The following NLGN1 variants were observed in gnomAD, a reference collection of about 807,000 sequenced individuals.
NLGN1 encodes the protein neuroligin-1.
In NLGN1, 12 loss-of-function variants were observed where a neutral mutation model predicts 65.5. That is an observed-to-expected ratio of 0.18 (90% CI 0.12 to 0.30). The LOEUF (loss-of-function observed/expected upper bound fraction) is 0.30. Ranked by LOEUF, NLGN1 falls within the 10% of genes least tolerant of loss-of-function variation. The pLI is 1.00. For synonymous variants in NLGN1, 350 were observed against 359.5 expected, an observed-to-expected ratio of 0.97 and a Z score of 0.30; for missense variants, 750 against 1,007.1, an observed-to-expected ratio of 0.74 and a Z score of 3.46.
At chr3:174,163,396 A>AG (rs1405621906) in intron 4 of NLGN1, among the ~76,000 whole-genome samples, 2 of 151,970 alleles carry the variant, frequency 1.3e-5, no homozygotes, top group African/African-American at 4.8e-5. Flanking sequence ...TACACCTTGA[A>AG]GGATTTTTTT....
chr3:173,539,781 T>TATATGTACATATATAACACAC (rs1738420757), intron 2 of NLGN1, among the ~76,000 whole-genome samples: 2 of 103,440 alleles, frequency 1.9e-5, no homozygotes, highest in Non-Finnish European at 3.8e-5. Flanking sequence ...ATAACACATA[T>TATATGTACATATATAACACAC]ATATGTACAT....
At chr3:174,255,015 A>G (rs1169175548) in intron 4 of NLGN1, among the ~76,000 whole-genome samples, 1 of 152,204 alleles carries the variant, frequency 6.6e-6, no homozygotes, top group Non-Finnish European at 1.5e-5. Flanking sequence ...TTTGCCAGAT[A>G]TAGGGATGGT....
At chr3:174,054,535 C>T (rs1695140198) in intron 4 of NLGN1, among the ~76,000 whole-genome samples, 1 of 151,960 alleles carries the variant, frequency 6.6e-6, no homozygotes. Flanking sequence ...TCCCTCCTCC[C>T]TAAGCTTTAG....
chr3:173,855,442 A>AT, intron 4 of NLGN1, among the ~76,000 whole-genome samples: 1 of 152,042 alleles, frequency 6.6e-6, no homozygotes, highest in East Asian at 1.9e-4. Context: ...AATGGTCTTG[A>AT]TTTTTTAAAT....
chr3:173,926,357 A>G (rs1371744784), intron 4 of NLGN1, among the ~76,000 whole-genome samples: 2 of 152,120 alleles, frequency 1.3e-5, no homozygotes, highest in Non-Finnish European at 2.9e-5. Context: ...TAGTTTCTCT[A>G]AATAATACTT....
intron 3 of NLGN1, among the ~76,000 whole-genome samples, chr3:173,616,375 C>T (rs555308329): frequency 2.0e-5 from 3 of 152,098 alleles, no homozygotes; most frequent in Middle Eastern, 6.8e-3. Context: ...ACTTGAGACA[C>T]GCAAACAAAC....
chr3:173,706,229 A>G (rs1484938082), intron 3 of NLGN1, among the ~76,000 whole-genome samples: 1 of 152,148 alleles, frequency 6.6e-6, no homozygotes, highest in Non-Finnish European at 1.5e-5. Flanking sequence ...TTAAATGGAG[A>G]CATGCTGTAT....
chr3:174,181,207 A>G (rs1489331658), intron 4 of NLGN1, among the ~76,000 whole-genome samples: 1 of 152,142 alleles, frequency 6.6e-6, no homozygotes, highest in African/African-American at 2.4e-5. Flanking sequence ...AATTCATCAA[A>G]TAAATCATAT....
intron 1 of NLGN1, among the ~76,000 whole-genome samples, chr3:173,404,744 C>A (rs996983817): frequency 2.0e-5 from 3 of 152,102 alleles, no homozygotes; most frequent in Non-Finnish European, 4.4e-5. Flanking sequence ...ATTGTGAATT[C>A]ATTATGGTTC....
At chr3:174,076,595 A>G (rs1231326064) in intron 4 of NLGN1, among the ~76,000 whole-genome samples, 1 of 151,550 alleles carries the variant, frequency 6.6e-6, no homozygotes, top group African/African-American at 2.4e-5. Flanking sequence ...ATCTTTCACA[A>G]TCCAATTAAA....
intron 4 of NLGN1, among the ~76,000 whole-genome samples, chr3:174,076,461 T>C (rs1346550664): frequency 6.6e-6 from 1 of 152,176 alleles, no homozygotes; most frequent in Non-Finnish European, 1.5e-5. Flanking sequence ...GAATCTGCTC[T>C]GGATTCTGGG....
At chr3:174,177,814 A>G (rs1729717511) in intron 4 of NLGN1, among the ~76,000 whole-genome samples, 3 of 152,170 alleles carry the variant, frequency 2.0e-5, no homozygotes. Context: ...GCATAGTCAT[A>G]ATTAATAAAT....
intron 4 of NLGN1, among the ~76,000 whole-genome samples, chr3:174,035,089 T>G (rs1730837289): frequency 6.6e-6 from 1 of 152,208 alleles, no homozygotes; most frequent in South Asian, 2.1e-4. Flanking sequence ...GCACCTGCTC[T>G]GTGTCTAACA....
At chr3:174,031,501 A>T (rs1215101737) in intron 4 of NLGN1, among the ~76,000 whole-genome samples, 2 of 152,176 alleles carry the variant, frequency 1.3e-5, no homozygotes, top group African/African-American at 2.4e-5. Flanking sequence ...CAAATTGAAG[A>T]CTTTTCAGGA....
At chr3:173,897,938 T>C (rs1736622437) in intron 4 of NLGN1, among the ~76,000 whole-genome samples, 1 of 152,152 alleles carries the variant, frequency 6.6e-6, no homozygotes, top group Non-Finnish European at 1.5e-5. Flanking sequence ...TGGTGTACTG[T>C]AAAAGTTAAC....
chr3:173,983,750 A>G (rs1426746221), intron 4 of NLGN1, among the ~76,000 whole-genome samples: 1 of 152,102 alleles, frequency 6.6e-6, no homozygotes, highest in African/African-American at 2.4e-5. Flanking sequence ...TGTCACCTTC[A>G]CGGAGCAGAC....
chr3:174,181,383 T>C (rs1730386683), intron 4 of NLGN1, among the ~76,000 whole-genome samples: 1 of 152,140 alleles, frequency 6.6e-6, no homozygotes, highest in Admixed American at 6.6e-5. Context: ...CATTGTCCGA[T>C]GCTACCATCT....
intron 4 of NLGN1, among the ~76,000 whole-genome samples, chr3:173,809,695 T>A (rs544245259): frequency 6.6e-6 from 1 of 152,198 alleles, no homozygotes; most frequent in East Asian, 1.9e-4. Context: ...CCATTCTTTT[T>A]CTTTTTATGT....
intron 2 of NLGN1, among the ~76,000 whole-genome samples, chr3:173,576,423 A>G (rs1481712857): frequency 6.6e-6 from 1 of 152,228 alleles, no homozygotes; most frequent in African/African-American, 2.4e-5. Context: ...ACCTAAAATG[A>G]TTGGCAAAGC....
Sources: allele counts gnomAD v4.1 joint callset (sites outside exome capture counted in the v4.1 genomes callset), GRCh38; gene constraint gnomAD v4.1.1; transcripts MANE v1.5; gene names NCBI Gene and HGNC (gene_info 2026-07-23, HGNC 2026-07-21).